LDHD: variants seen among roughly 807,000 people sequenced by gnomAD.
LDHD encodes D-lactate dehydrogenase, mitochondrial.
In LDHD, 58 loss-of-function variants were observed where a neutral mutation model predicts 52.9. That is an observed-to-expected ratio of 1.10 (90% confidence interval 0.89 to 1.36). LDHD has a LOEUF of 1.36. Among genes scored for constraint, LDHD ranks in the 40% most tolerant of loss-of-function variants. The pLI is 0.00. For missense variants in LDHD, 747 were observed against 668.0 expected, an observed-to-expected ratio of 1.12 and a Z score of -1.30; for synonymous variants, 350 against 288.6, an observed-to-expected ratio of 1.21 and a Z score of -2.16.
chr16:75,113,652 G>A lies in LDHD; in HGVS notation c.969C>T (p.Val323=), dbSNP rs767753107. ...AGAAGTCAGAGGCTCCGTTCTGCTG[G>A]ACTATCTCCTCTGCAGTTGGGGAAG... ...EEQLQRTEEI[V]QQNGASDFSW... Residue 323 remains valine (V), a synonymous_variant, in exon 8 of 11, where the codon GTC becomes GTT. Transcript: ENST00000450168. 1.9e-6 allele frequency: 3 copies of A among 1,613,420 alleles called. No individual in the cohort carries two copies. Among genetic ancestry groups the A allele is most frequent in the Non-Finnish European group, 1.7e-6 (2 of 1,179,994 alleles).
At position 75,114,895 on chromosome 16, in the gene LDHD, A is replaced by G; in HGVS notation, c.401T>C (p.Val134Ala). Residue 134 changes from valine (V) to alanine (A), a missense_variant, in exon 4 of 11, where the codon GTG becomes GCG. Coordinates refer to ENST00000450168, the MANE Select transcript of LDHD (RefSeq NM_194436.3). Reference sequence around the variant, plus strand: ...GGCTTTGCGGGTGACACCTGGCTCCACCACCACAGAGAAGTCCTCCTGGTT... The same window carrying G: ...GGCTTTGCGGGTGACACCTGGCTCCGCCACCACAGAGAAGTCCTCCTGGTT... ...ELNQEDFSVV[V>A]EPGVTRKALN... 2 of 1,613,978 alleles carry G rather than the reference A, an allele frequency of 1.2e-6. No homozygotes were observed. Among genetic ancestry groups the G allele is most frequent in the Non-Finnish European group, 1.7e-6 (2 of 1,179,978 alleles).
intron 4 of LDHD, 29 bp from the exon 5 acceptor site, chr16:75,114,714 C>G: frequency 6.5e-7 from 1 of 1,540,760 alleles, no homozygotes; most frequent in Non-Finnish European, 8.8e-7. Context: ...AAGGCAGCCT[C>G]AGGGACCGGA....
Position 75,115,248 on chromosome 16 carries a change from T to A in LDHD, c.277A>T (p.Ile93Phe). The change falls in exon 3 of 11, where the codon ATC (isoleucine) becomes TTC (phenylalanine). Residue 93 changes from isoleucine (I) to phenylalanine (F), a missense_variant. Transcript: ENST00000450168. ...ALCYRQGVPI[I>F]PFGTGTGLEG... ...AGCCCGGTGCCGGTGCCGAATGGGA[T>A]GATGGGCACACCTTGGCGATAGCAC... is the stretch of plus-strand genomic sequence containing the variant. 6.2e-7 allele frequency: 1 copy of A among 1,613,344 alleles called. No individual in the cohort carries two copies.
In LDHD at chr16:75,112,606, C is replaced by A. The variant is rs774175161; in HGVS notation, c.1285G>T (p.Gly429Cys). The A allele has an allele frequency of 1.2e-6, 2 of 1,614,094 alleles. No homozygotes were observed. The highest frequency in any genetic ancestry group is 1.7e-6 in the Non-Finnish European group (2 of 1,180,012). The change falls in exon 10 of 11, where the codon GGC becomes TGC. Residue 429 changes from glycine (G) to cysteine (C), a missense_variant. Physicochemically the swap from Gly to Cys is radical, Grantham distance 159 (BLOSUM62 -3). Coordinates refer to ENST00000450168, the MANE Select transcript of LDHD (RefSeq NM_194436.3). ...GRVKAFAEQL[G>C]RRALALHGTC... ...CCTCCCTGGCTTTGCTCCTACCTGC[C>A]CAGCTGTTCTGCAAAAGCCTTGACC...
intron 4 of LDHD, 25 bp from the exon 5 acceptor site, chr16:75,114,710 G>A (rs772810420): frequency 1.9e-6 from 3 of 1,539,016 alleles, no homozygotes; most frequent in South Asian, 2.4e-5. Flanking sequence ...ACAGAAGGCA[G>A]CCTCAGGGAC....
chr16:75,114,371 C>G (rs2036486734), intron 5 of LDHD, 155 bp downstream of exon 5: 5 of 1,388,240 alleles, frequency 3.6e-6, no homozygotes, highest in Non-Finnish European at 4.8e-6. Context: ...GTCCCATCCA[C>G]TTTGGCCCAG....
Position 75,115,614 on chromosome 16 carries a change from C to T in LDHD, c.119G>A (p.Gly40Asp), listed in dbSNP as rs760587256. The T allele has an allele frequency of 6.2e-7, 1 of 1,612,458 alleles. No homozygotes were observed. The highest frequency in any genetic ancestry group is 8.5e-7 in the Non-Finnish European group (1 of 1,179,724). Reference sequence around the variant, plus strand: ...CGCGGCAGTGGACACGTGGGAGCCGCCCACCACGGCCTTCAGAGCCTCTAC... The same window carrying T: ...CGCGGCAGTGGACACGTGGGAGCCGTCCACCACGGCCTTCAGAGCCTCTAC... ...DFVEALKAVV[G>D]GSHVSTAAVV... is the part of the protein sequence containing the mutation. The change falls in exon 2 of 11, where the codon GGC becomes GAC. Residue 40 changes from glycine to aspartate, a missense_variant. Physicochemically the swap from Gly to Asp is moderately conservative, Grantham distance 94 (BLOSUM62 -1). Coordinates refer to ENST00000450168, the MANE Select transcript of LDHD (RefSeq NM_194436.3).
chr16:75,112,797 C>T, intron 9 of LDHD, 37 bp downstream of exon 9: 1 of 1,602,570 alleles, frequency 6.2e-7, no homozygotes, highest in South Asian at 1.1e-5. Context: ...AGCCCTGACA[C>T]CTCCCCACCT....
At chr16:75,114,266 A>C in intron 5 of LDHD, 101 bp from the exon 6 acceptor site, 1 of 1,563,336 alleles carries the variant, frequency 6.4e-7, no homozygotes, top group Non-Finnish European at 8.6e-7. Flanking sequence ...CCAGGCACTG[A>C]GGTCTGGGCT....
Position 75,114,794 on chromosome 16 carries a change from C to T in LDHD, c.469+33G>A, listed in dbSNP as rs755522971. On this transcript the variant is annotated intron_variant, in intron 4 of 10. Coordinates refer to ENST00000450168, the MANE Select transcript of LDHD (RefSeq NM_194436.3). ...GACACAGCCCTGCTCCCACGGTGCC[C>T]TCAGGGTCCCAGGAAAGGTTCGCGA... 3.1e-6 allele frequency: 5 copies of T among 1,602,856 alleles called. No individual in the cohort carries two copies. In the South Asian group the frequency reaches 3.4e-5, roughly 11 times the overall value.
At chr16:75,114,322 A>G in intron 5 of LDHD, 157 bp from the exon 6 acceptor site, 2 of 1,491,660 alleles carry the variant, frequency 1.3e-6, no homozygotes, top group South Asian at 2.6e-5. Context: ...TTTCTGCTCC[A>G]CAAAGCCAGT....
chr16:75,113,904 C>A, intron 6 of LDHD, 34 bp from the exon 7 acceptor site: 1 of 1,612,214 alleles, frequency 6.2e-7, no homozygotes, highest in Non-Finnish European at 8.5e-7. Context: ...CAGGTGAGGC[C>A]TGGCCTTCCC....
chr16:75,115,513 G>A lies in LDHD; in HGVS notation c.185+35C>T, dbSNP rs757039815. 2.1e-5 allele frequency: 33 copies of A among 1,600,216 alleles called. No individual in the cohort carries two copies. In the South Asian group the frequency reaches 3.0e-4, roughly 14 times the overall value. ...TCTCTCTCAGCTGGGGTTGAATCCA[G>A]AAGACAGGGGAGGGGCCCGCGAACC... On this transcript the variant is annotated intron_variant, in intron 2 of 10. Coordinates refer to ENST00000450168, the MANE Select transcript of LDHD (RefSeq NM_194436.3).
rs1482459177 is a variant in LDHD at position 75,116,550 on chromosome 16, T to G, written c.72+99A>C. The G allele has an allele frequency of 7.0e-6, 7 of 997,432 alleles. No individual in the cohort carries two copies. In the Admixed American group the frequency reaches 1.4e-4, roughly 20 times the overall value. The allele number at this position is 997,432 out of a possible 1,614,324, so 61.8% of individuals were successfully genotyped here. ...TTTTGCCCAAGGTCAGGTCACTTGG[T>G]GCTGGGGCGTCACAGAGCCCAGGAA... On this transcript the variant is annotated intron_variant, in intron 1 of 10. Coordinates refer to ENST00000450168, the MANE Select transcript of LDHD (RefSeq NM_194436.3).
At chr16:75,114,320 C>A in intron 5 of LDHD, 155 bp from the exon 6 acceptor site, 2 of 1,487,460 alleles carry the variant, frequency 1.3e-6, no homozygotes, top group Non-Finnish European at 1.8e-6. Context: ...GCTTTCTGCT[C>A]CACAAAGCCA....
chr16:75,113,988 A>C lies in LDHD; in HGVS notation c.807T>G (p.Ala269=). 1.3e-6 allele frequency: 2 copies of C among 1,599,652 alleles called. No homozygotes were observed. The highest frequency in any genetic ancestry group is 1.7e-6 in the Non-Finnish European group (2 of 1,172,676). Residue 269 remains alanine, a synonymous_variant, in exon 6 of 11, where the codon GCT becomes GCG. Transcript: ENST00000450168. ...CACCAATGCGGGCTACGGGCACTGC[A>C]GCCTGGAGGATGTGTACAGTGCTGT... is the stretch of plus-strand genomic sequence containing the variant. ...AVDSTVHILQ[A]AVPVARIEFL...
Position 75,115,634 on chromosome 16 carries a change from C to T in LDHD, c.99G>A (p.Glu33=). 1 of 1,611,432 alleles carries T rather than the reference C, an allele frequency of 6.2e-7. No homozygotes were observed. The highest frequency in any genetic ancestry group is 8.5e-7 in the Non-Finnish European group (1 of 1,179,218). ...AGCCGCCCACCACGGCCTTCAGAGC[C>T]TCTACGAAGTCCCTGCAGAGCTCTC... The part of the protein sequence containing the change: ...AKGELCRDFV[E]ALKAVVGGSH... Residue 33 remains glutamate, a synonymous_variant, in exon 2 of 11, where the codon GAG becomes GAA. Transcript: ENST00000450168.
chr16:75,115,803 G>C (rs2036542835), intron 1 of LDHD, 143 bp from the exon 2 acceptor site: 1 of 570,010 alleles, frequency 1.8e-6, no homozygotes, highest in South Asian at 2.5e-5. Flanking sequence ...TCCTTGCCAG[G>C]TGGGCCCACT....
At position 75,114,619 on chromosome 16, in the gene LDHD, C is replaced by T. The variant is rs1440048650; in HGVS notation, c.536G>A (p.Arg179His). The T allele has an allele frequency of 1.3e-5, 20 of 1,533,854 alleles. No homozygotes were observed. Among genetic ancestry groups the T allele is most frequent in the Non-Finnish European group, 1.7e-5 (20 of 1,144,158 alleles). The change falls in exon 5 of 11, where the codon CGC becomes CAC. Residue 179 changes from arginine to histidine, a missense_variant. By Grantham distance (29) the Arg-to-His change is conservative. Transcript: ENST00000450168. The stretch of plus-strand genomic sequence containing the variant: ...CACGTTGTCCCGCATGGTGCCGTAG[C>T]GGACCGCGTTGGTCCCCGACGCCCC... Reference protein sequence around the residue: ...ATGASGTNAVRYGTMRDNVLN... With the variant: ...ATGASGTNAVHYGTMRDNVLN...
Sources: allele counts gnomAD v4.1 joint callset, GRCh38; gene constraint gnomAD v4.1.1; transcripts MANE v1.5; gene names NCBI Gene and HGNC (gene_info 2026-07-23, HGNC 2026-07-21).